PRKG1: variants seen among roughly 807,000 people sequenced by gnomAD.
PRKG1 encodes the protein cGMP-dependent protein kinase 1.
Under a neutral mutation model 88.1 loss-of-function variants are expected in PRKG1, and 35 were observed. The ratio of observed to expected loss-of-function variants is 0.40; its 90% CI spans 0.30 to 0.53. The LOEUF (loss-of-function observed/expected upper bound fraction) is 0.53. PRKG1 is among the 20% of genes least tolerant of loss of function. PRKG1 has a pLI of 0.59. For missense variants in PRKG1, 540 were observed against 839.8 expected (o/e 0.64, Z 4.41); for synonymous variants, 303 against 292.5 (o/e 1.04, Z -0.37).
chr10:51,829,228 T>C (rs549997108), intron 4 of PRKG1, among the ~76,000 whole-genome samples: 1 of 152,230 alleles, frequency 6.6e-6, no homozygotes, highest in Non-Finnish European at 1.5e-5. Context: ...GATCTGAGAA[T>C]GACCAAGATG....
chr10:52,278,440 A>C (rs1363184152), intron 12 of PRKG1, among the ~76,000 whole-genome samples: 1 of 152,156 alleles, frequency 6.6e-6, no homozygotes, highest in Non-Finnish European at 1.5e-5. Flanking sequence ...TTATCATTTG[A>C]CCCAGCAATC....
At chr10:51,623,258 T>C (rs998379203) in intron 3 of PRKG1, among the ~76,000 whole-genome samples, 3 of 152,226 alleles carry the variant, frequency 2.0e-5, no homozygotes, top group Non-Finnish European at 4.4e-5. Context: ...TGGAGTGCAG[T>C]GGTGTGATCA....
intron 2 of PRKG1, among the ~76,000 whole-genome samples, chr10:51,386,002 T>C (rs1837239459): frequency 6.6e-6 from 1 of 152,156 alleles, no homozygotes; most frequent in Non-Finnish European, 1.5e-5. Context: ...AATTTCTCAT[T>C]GGTTTAGAGT....
chr10:52,040,883 C>G (rs935144427), intron 5 of PRKG1, among the ~76,000 whole-genome samples: 2 of 121,802 alleles, frequency 1.6e-5, no homozygotes, highest in African/African-American at 6.5e-5. Context: ...GTCACCCAGG[C>G]TGGAGTGTTG....
intron 3 of PRKG1, among the ~76,000 whole-genome samples, chr10:51,492,258 C>A (rs986178863): frequency 1.4e-4 from 22 of 152,190 alleles, no homozygotes; most frequent in Admixed American, 1.2e-3. Context: ...TTTGCAGAGG[C>A]AGATGCTAAC....
chr10:51,053,622 T>A (rs1843592491), intron 1 of PRKG1, among the ~76,000 whole-genome samples: 1 of 152,204 alleles, frequency 6.6e-6, no homozygotes, highest in South Asian at 2.1e-4. Context: ...GACTTTAACC[T>A]TCACAAGTGA....
chr10:51,088,559 A>G (rs1453696316), intron 1 of PRKG1, among the ~76,000 whole-genome samples: 1 of 152,142 alleles, frequency 6.6e-6, no homozygotes, highest in East Asian at 1.9e-4. Flanking sequence ...GTTTCTTCCA[A>G]CATGGATTGG....
intron 1 of PRKG1, among the ~76,000 whole-genome samples, chr10:51,123,112 T>A (rs1329692123): frequency 1.3e-5 from 2 of 152,146 alleles, no homozygotes; most frequent in Non-Finnish European, 2.9e-5. Context: ...TGGTATGCAT[T>A]CTCCCTCTGC....
intron 1 of PRKG1, among the ~76,000 whole-genome samples, chr10:51,108,794 G>A (rs1844910606): frequency 6.6e-6 from 1 of 152,078 alleles, no homozygotes; most frequent in Non-Finnish European, 1.5e-5. Flanking sequence ...AGAATAAAAA[G>A]TATATTTATA....
chr10:52,288,094 G>T (rs189577337), intron 14 of PRKG1, among the ~76,000 whole-genome samples: 7 of 152,134 alleles, frequency 4.6e-5, no homozygotes, highest in African/African-American at 1.7e-4. Flanking sequence ...GCTAGGTTAC[G>T]TGGGTTGATA....
Position 51,052,073 on chromosome 10 carries a change from G to A in PRKG1, c.266+60429G>A, listed in dbSNP as rs536739131. Among the ~76,000 whole-genome samples the A allele has an allele frequency of 4.6e-5, 7 of 152,130 alleles. No individual in the cohort carries two copies. The South Asian group carries it at 1.2e-3, about 27-fold the overall frequency. Reference sequence around the variant, plus strand: ...TTTTGAAGATGGTTTACAGCAAAACGCATATGAATTTTATAGTACAATAAA... The same window carrying A: ...TTTTGAAGATGGTTTACAGCAAAACACATATGAATTTTATAGTACAATAAA... On this transcript the variant is annotated intron_variant, in intron 1 of 17. Coordinates refer to the PRKG1 transcript ENST00000401604.
intron 5 of PRKG1, among the ~76,000 whole-genome samples, chr10:52,003,930 A>C (rs748581214): frequency 3.9e-5 from 6 of 152,184 alleles, no homozygotes; most frequent in Non-Finnish European, 7.3e-5. Flanking sequence ...TTGTGGCCCT[A>C]GAAAGTCATT....
chr10:51,580,277 G>A (rs1837997128), intron 3 of PRKG1, among the ~76,000 whole-genome samples: 1 of 152,064 alleles, frequency 6.6e-6, no homozygotes, highest in Admixed American at 6.6e-5. Flanking sequence ...AATGCAGTTT[G>A]TTGATCTTTA....
At position 52,161,899 on chromosome 10, in the gene PRKG1, C is replaced by T; in HGVS notation, c.1012C>T (p.His338Tyr). 1.9e-6 allele frequency: 3 copies of T among 1,612,536 alleles called. No individual in the cohort carries two copies. The highest frequency in any genetic ancestry group is 1.7e-6 in the Non-Finnish European group (2 of 1,179,268). The change falls in exon 9 of 18, where the codon CAT becomes TAT. Residue 338 changes from histidine to tyrosine, a missense_variant. His to Tyr is a moderately conservative substitution (Grantham distance 83). Around this residue, in one of 5 missense-constraint regions of PRKG1, gnomAD observed 400 missense variants for 562.7 expected, o/e 0.71. Transcript: ENST00000373980. ...TTTTTCGTCTGACAGCTCTTTTAAACATTTGATTGGAGGGCTGGATGATGT... is the reference window on the plus strand; with the variant it reads ...TTTTTCGTCTGACAGCTCTTTTAAATATTTGATTGGAGGGCTGGATGATGT... The part of the protein sequence containing the change: ...CLVIDRDSFK[H>Y]LIGGLDDVSN...
At chr10:51,355,985 TC>T (rs1325271052) in intron 2 of PRKG1, among the ~76,000 whole-genome samples, 1 of 152,022 alleles carries the variant, frequency 6.6e-6, no homozygotes, top group African/African-American at 2.4e-5. Context: ...TGTTAGCACT[TC>T]TTTATATAGA....
At chr10:51,340,813 A>G (rs1471178401) in intron 2 of PRKG1, among the ~76,000 whole-genome samples, 1 of 152,202 alleles carries the variant, frequency 6.6e-6, no homozygotes, top group Non-Finnish European at 1.5e-5. Flanking sequence ...TCTCAAAAGC[A>G]TATGTCTGGA....
At chr10:52,139,436 C>T (rs540971298) in intron 8 of PRKG1, among the ~76,000 whole-genome samples, 4 of 152,200 alleles carry the variant, frequency 2.6e-5, no homozygotes, top group African/African-American at 7.2e-5. Context: ...TCCTCCCAGC[C>T]GCATTGCTTA....
At chr10:51,558,761 A>G (rs965416494) in intron 3 of PRKG1, among the ~76,000 whole-genome samples, 1 of 152,156 alleles carries the variant, frequency 6.6e-6, no homozygotes, top group African/African-American at 2.4e-5. Flanking sequence ...AAAGCATAGT[A>G]ATGGAATGAT....
At chr10:51,770,516 A>G (rs932599791) in intron 3 of PRKG1, among the ~76,000 whole-genome samples, 3 of 152,216 alleles carry the variant, frequency 2.0e-5, no homozygotes, top group African/African-American at 7.2e-5. Flanking sequence ...GCCACAGGCC[A>G]ATACCAGCCC....
Sources: allele counts gnomAD v4.1 joint callset (sites outside exome capture counted in the v4.1 genomes callset), GRCh38; gene constraint gnomAD v4.1.1; regional missense constraint gnomAD v4.1.1; transcripts MANE v1.5; gene names NCBI Gene and HGNC (gene_info 2026-07-23, HGNC 2026-07-21).